The following NME9 variants were observed in gnomAD, a reference collection of about 807,000 sequenced individuals.
NME9 encodes NME/NM23 family member 9, also known as thioredoxin domain-containing protein 6.
NME9 carries 48 observed loss-of-function variants against 44.4 expected under a neutral mutation model. That is an observed-to-expected ratio of 1.08 (90% CI 0.86 to 1.37). NME9 has a LOEUF of 1.37. NME9 is among the 40% of genes most tolerant of loss of function. NME9 has a pLI of 0.00. For missense variants in NME9, 325 were observed against 405.2 expected (o/e 0.80, Z 1.70); for synonymous variants, 139 against 147.1 (o/e 0.94, Z 0.40).
At chr3:138,296,220 GTGTGAACACACAGGCATGCGTGTGTA>G, downstream of NME9, 1 of 250,912 alleles carries the variant, frequency 4.0e-6, no homozygotes, top group Non-Finnish European at 7.7e-6. Context: ...GAATATGTCT[GTGTGAACACACAGGCATGCGTGTGTA>G]TGTGCACGTA....
At chr3:138,323,907 G>A (rs1391155180) in intron 2 of NME9, among the ~76,000 whole-genome samples, 1 of 152,180 alleles carries the variant, frequency 6.6e-6, no homozygotes, top group Non-Finnish European at 1.5e-5. Flanking sequence ...CCCACCTCTT[G>A]GTCCTCATGT....
intron 2 of NME9, chr3:138,324,385 G>A (rs1199823128): frequency 2.2e-6 from 1 of 446,420 alleles, no homozygotes; most frequent in Admixed American, 2.4e-5. Context: ...AATGTTTGTT[G>A]TTGTAAAGCA....
chr3:138,300,166 A>G (rs747613940), downstream of NME9, among the ~76,000 whole-genome samples: 41 of 152,264 alleles, frequency 2.7e-4, no homozygotes, highest in Admixed American at 7.8e-4. Context: ...GATCCTGTAC[A>G]GGTTCCGATG....
At chr3:138,295,757 T>G (rs1560067859) in intron 8 of NME9, 2 of 1,355,866 alleles carry the variant, frequency 1.5e-6, no homozygotes, top group Non-Finnish European at 2.1e-6. Flanking sequence ...CCTCTGGAGA[T>G]TTACTTTTTT....
Position 138,318,157 on chromosome 3 carries a change from C to G in NME9, c.258G>C (p.Leu86=), listed in dbSNP as rs754620660. 3.1e-6 allele frequency: 5 copies of G among 1,603,606 alleles called. No individual in the cohort carries two copies. ...KYRGKCEPTF[L]FYAGGELVAV... Reference sequence around the variant, plus strand: ...CTGAAAATGTACTTACTGCATAAAACAGAAAGGTTGGCTCGCACTTCCCTC... The same window carrying G: ...CTGAAAATGTACTTACTGCATAAAAGAGAAAGGTTGGCTCGCACTTCCCTC... Residue 86 remains leucine (L), a synonymous_variant, in exon 4 of 11, where the codon CTG becomes CTC. Coordinates refer to ENST00000333911, the MANE Select transcript of NME9 (RefSeq NM_001349018.2).
At chr3:138,269,820 C>CTTTTTT (rs77095833) in intron 8 of NME9, among the ~76,000 whole-genome samples, 5 of 121,666 alleles carry the variant, frequency 4.1e-5, no homozygotes, top group South Asian at 2.8e-4. Flanking sequence ...TGTTTTCTTT[C>CTTTTTT]TTTTTTTTTT....
intron 8 of NME9, among the ~76,000 whole-genome samples, chr3:138,273,897 A>G (rs567344303): frequency 1.3e-5 from 2 of 150,538 alleles, no homozygotes; most frequent in East Asian, 2.0e-4. Context: ...GGTCATTGCA[A>G]CCTCCACTTC....
intron 5 of NME9, among the ~76,000 whole-genome samples, chr3:138,315,022 A>G (rs950459173): frequency 3.9e-5 from 6 of 152,238 alleles, no homozygotes; most frequent in African/African-American, 1.4e-4. Flanking sequence ...CTGGCAGTCA[A>G]TGTTATCATG....
chr3:138,284,829 CCT>C (rs1238371794), intron 8 of NME9, among the ~76,000 whole-genome samples: 1 of 152,146 alleles, frequency 6.6e-6, no homozygotes, highest in African/African-American at 2.4e-5. Context: ...GCCTCCAGTC[CCT>C]GTCTTCTGTC....
chr3:138,294,865 T>G (rs1365462077), intron 8 of NME9, among the ~76,000 whole-genome samples: 1 of 151,946 alleles, frequency 6.6e-6, no homozygotes, highest in African/African-American at 2.4e-5. Context: ...CATTATTTTT[T>G]GGTTTGTTTT....
At chr3:138,327,211 T>C (rs1353482050) in intron 1 of NME9, 2 of 152,006 alleles carry the variant, frequency 1.3e-5, no homozygotes, top group East Asian at 3.9e-4. Flanking sequence ...CCTTACTTTT[T>C]TTGTTTCAAT....
chr3:138,276,880 T>C (rs2049346685), intron 8 of NME9, among the ~76,000 whole-genome samples: 1 of 152,240 alleles, frequency 6.6e-6, no homozygotes, highest in Admixed American at 6.5e-5. Flanking sequence ...AATATTACTA[T>C]AGATGTAAAT....
chr3:138,329,337 G>C lies in NME9; in HGVS notation c.-2C>G, dbSNP rs2053984152. ...AATTTCCTTCTTCCTGCTGCCCATGGCTCTGCAAAGAAGACGAAGCCCTGT... is the reference window on the plus strand; with the variant it reads ...AATTTCCTTCTTCCTGCTGCCCATGCCTCTGCAAAGAAGACGAAGCCCTGT... On this transcript the variant is annotated 5_prime_UTR_variant, in exon 1 of 11. Coordinates refer to ENST00000333911, the MANE Select transcript of NME9 (RefSeq NM_001349018.2). 6.5e-6 allele frequency: 10 copies of C among 1,536,064 alleles called. No homozygotes were observed. The highest frequency in any genetic ancestry group is 8.7e-6 in the Non-Finnish European group (10 of 1,146,882).
chr3:138,289,203 C>T (rs370227442), intron 8 of NME9: 3 of 1,077,570 alleles, frequency 2.8e-6, no homozygotes, highest in Non-Finnish European at 4.2e-6. Flanking sequence ...CCCCTGAGAT[C>T]CTGGGCAGAG....
Position 138,301,603 on chromosome 3 carries a change from C to A in NME9, c.*37G>T. The A allele has an allele frequency of 6.5e-7, 1 of 1,535,752 alleles. No homozygotes were observed. Among genetic ancestry groups the A allele is most frequent in the Non-Finnish European group, 8.7e-7 (1 of 1,146,736 alleles). ...CGGAGGTCTGTTTTGTGCAGTAGAC[C>A]CCTGGTCACGTGCTCTGGAAGAGCA... On this transcript the variant is annotated 3_prime_UTR_variant, in exon 11 of 11. Transcript: ENST00000333911.
At position 138,304,753 on chromosome 3, in the gene NME9, G is replaced by T. The variant is rs140411113; in HGVS notation, c.791+120C>A. On this transcript the variant is annotated intron_variant, in intron 9 of 10. Coordinates refer to ENST00000333911, the MANE Select transcript of NME9 (RefSeq NM_001349018.2). ...GGTCTCCCCAAATATATAATAGAGA[G>T]CCTGGCCATCAGAGAGTCCTCTGTG... 15 of 969,006 alleles carry T rather than the reference G, an allele frequency of 1.5e-5. No individual in the cohort carries two copies. In the African/African-American group the frequency reaches 2.1e-4, roughly 14 times the overall value. 60.0% of individuals were successfully genotyped at this position (969,006 alleles called of 1,614,324 possible).
chr3:138,320,294 G>A (rs906841796), intron 2 of NME9, among the ~76,000 whole-genome samples: 12 of 152,138 alleles, frequency 7.9e-5, no homozygotes, highest in Non-Finnish European at 1.8e-4. Flanking sequence ...TGCCCCACGC[G>A]ACCATGAAGC....
At chr3:138,264,412 C>CTT (rs11298899) in intron 8 of NME9, among the ~76,000 whole-genome samples, 91 of 48,592 alleles carry the variant, frequency 1.9e-3, no homozygotes, top group African/African-American at 4.0e-3. Flanking sequence ...GATTTTCTTT[C>CTT]TTTTTTTTTT....
chr3:138,320,195 AC>A (rs1470912546), intron 2 of NME9, among the ~76,000 whole-genome samples: 1 of 152,100 alleles, frequency 6.6e-6, no homozygotes, highest in African/African-American at 2.4e-5. Flanking sequence ...ATGTAAGGGA[AC>A]CCTCTCATCT....
Sources: allele counts gnomAD v4.1 joint callset (sites outside exome capture counted in the v4.1 genomes callset), GRCh38; gene constraint gnomAD v4.1.1; transcripts MANE v1.5; gene names NCBI Gene and HGNC (gene_info 2026-07-23, HGNC 2026-07-21).